FAM78B: variants seen among roughly 807,000 people sequenced by gnomAD.
FAM78B encodes the protein family with sequence similarity 78 member B, also known as protein FAM78B.
In FAM78B, 10 loss-of-function variants were observed where a neutral mutation model predicts 20.0. The observed-to-expected ratio is 0.50, with a 90% CI of 0.31 to 0.85. The LOEUF (loss-of-function observed/expected upper bound fraction) is 0.85, where lower values mean the gene tolerates loss of function less well. Ranked by LOEUF, FAM78B falls within the 40% of genes least tolerant of loss-of-function variation. The pLI, the probability that FAM78B is intolerant of heterozygous loss-of-function variation, is 0.05. For missense variants in FAM78B, 283 were observed against 345.0 expected (o/e 0.82, Z 1.42); for synonymous variants, 135 against 132.8 (o/e 1.02, Z -0.12).
chr1:166,102,050 A>G, intron 1 of FAM78B, among the ~76,000 whole-genome samples: 1 of 152,226 alleles, frequency 6.6e-6, no homozygotes, highest in Non-Finnish European at 1.5e-5. Context: ...GTGGGGGCCA[A>G]TATTCAACAT....
At chr1:166,112,332 T>A (rs4072242) in intron 1 of FAM78B, among the ~76,000 whole-genome samples, 29,688 of 152,136 alleles carry the variant, frequency 0.2, 3,295 homozygotes, top group East Asian at 0.37. Flanking sequence ...AGCCCAGCCG[T>A]TTTCATTTCT....
exon 3 of FAM78B, chr1:166,060,440 A>G (rs1291679422): frequency 6.8e-6 from 3 of 443,736 alleles, no homozygotes; most frequent in East Asian, 1.4e-4. Context: ...AGGCAGCCCA[A>G]TCAGCCCAGG....
chr1:166,075,552 G>A (rs967875030), intron 1 of FAM78B, among the ~76,000 whole-genome samples: 1 of 152,168 alleles, frequency 6.6e-6, no homozygotes, highest in Non-Finnish European at 1.5e-5. Context: ...CTGCATTAGA[G>A]CATGAGGATG....
intron 1 of FAM78B, among the ~76,000 whole-genome samples, chr1:166,132,282 A>G (rs1178235901): frequency 6.7e-6 from 1 of 148,192 alleles, no homozygotes; most frequent in East Asian, 2.3e-4. Context: ...AGTGGTTCCA[A>G]ATCTCCCCTC....
intron 1 of FAM78B, among the ~76,000 whole-genome samples, chr1:166,117,346 C>CT (rs1654298898): frequency 6.6e-6 from 1 of 152,118 alleles, no homozygotes; most frequent in South Asian, 2.1e-4. Flanking sequence ...AAATAGCACA[C>CT]TTTTTCTCTT....
Position 166,166,286 on chromosome 1 carries a change from G to A in FAM78B, c.-38C>T. On this transcript the variant is annotated 5_prime_UTR_variant, in exon 1 of 2. Transcript: ENST00000354422. Reference sequence around the variant, plus strand: ...TGCCGGCACGGCGCGGCGTGGGGCAGCGCGGGGGCCCGCGCGGGCAGCCGG... The same window carrying A: ...TGCCGGCACGGCGCGGCGTGGGGCAACGCGGGGGCCCGCGCGGGCAGCCGG... The A allele has an allele frequency of 8.2e-7, 1 of 1,218,130 alleles. No homozygotes were observed. The highest frequency in any genetic ancestry group is 1.0e-6 in the Non-Finnish European group (1 of 978,018). The allele number at this position is 1,218,130 out of a possible 1,614,324, so 75.5% of individuals were successfully genotyped here. A position where few individuals can be genotyped will look rare whatever the true frequency, so the allele number is the denominator to read the frequency against.
rs1656424805 is a variant in FAM78B at position 166,166,886 on chromosome 1, C to T, written c.-638G>A. The T allele has an allele frequency of 6.6e-6, 1 of 151,928 alleles. No homozygotes were observed. 9.4% of individuals were successfully genotyped at this position (151,928 alleles called of 1,614,324 possible). Reference sequence around the variant, plus strand: ...CCGTAGCCGGACCACACCGACACTCCTCGGCCCGGCTGCCTCGGCCCGGGG... The same window carrying T: ...CCGTAGCCGGACCACACCGACACTCTTCGGCCCGGCTGCCTCGGCCCGGGG... On this transcript the variant is annotated 5_prime_UTR_variant, in exon 1 of 2. Transcript: ENST00000354422.
At chr1:166,091,170 C>T (rs1653053372) in intron 1 of FAM78B, among the ~76,000 whole-genome samples, 2 of 152,070 alleles carry the variant, frequency 1.3e-5, no homozygotes, top group Admixed American at 6.5e-5. Flanking sequence ...TTCTTAAACA[C>T]AATGTTGGGC....
chr1:166,154,638 G>A (rs1308425864), intron 1 of FAM78B: 2 of 481,826 alleles, frequency 4.2e-6, no homozygotes, highest in South Asian at 1.6e-5. Context: ...ACCTGGCTGG[G>A]GGGCAGGGGC....
chr1:166,090,524 G>GTCCT (rs1301758546), intron 1 of FAM78B, among the ~76,000 whole-genome samples: 1 of 152,182 alleles, frequency 6.6e-6, no homozygotes, highest in East Asian at 1.9e-4. Context: ...TATTAACTCG[G>GTCCT]TCCTTTCATG....
intron 1 of FAM78B, among the ~76,000 whole-genome samples, chr1:166,158,095 T>C (rs1464235376): frequency 6.6e-6 from 1 of 152,146 alleles, no homozygotes; most frequent in African/African-American, 2.4e-5. Flanking sequence ...TAAAGCTAGG[T>C]CCATTATCAC....
chr1:166,133,780 C>T (rs1654966548), intron 1 of FAM78B, among the ~76,000 whole-genome samples: 1 of 152,196 alleles, frequency 6.6e-6, no homozygotes, highest in Non-Finnish European at 1.5e-5. Context: ...GCTTCTCCTT[C>T]TCTGATGGCC....
chr1:166,094,033 G>A (rs1012992964), intron 1 of FAM78B, among the ~76,000 whole-genome samples: 1 of 145,646 alleles, frequency 6.9e-6, no homozygotes, highest in East Asian at 2.0e-4. Context: ...GTGTGTGTGT[G>A]TGTGTGTGTG....
In FAM78B at chr1:166,127,181, T is replaced by C. The variant is rs143691291; in HGVS notation, c.263+38805A>G. 3.6e-3 allele frequency among the ~76,000 whole-genome samples: 546 copies of C among 152,348 alleles called. 3 individuals carry two copies. Among genetic ancestry groups the C allele is most frequent in the African/African-American group, 0.012 (518 of 41,578 alleles). On this transcript the variant is annotated intron_variant, in intron 1 of 1. Transcript: ENST00000354422. ...GGTTGTGAAGATTGAAATGTATGCA[T>C]GTCCAAGGGCTTTGAAAAGTGCTTG...
At chr1:166,164,520 A>T (rs893911250) in intron 1 of FAM78B, among the ~76,000 whole-genome samples, 5 of 152,220 alleles carry the variant, frequency 3.3e-5, no homozygotes, top group African/African-American at 4.8e-5. Context: ...CAGTGTGCTG[A>T]GGCATATTGG....
intron 1 of FAM78B, among the ~76,000 whole-genome samples, chr1:166,112,704 T>C (rs146043970): frequency 1.1e-3 from 166 of 152,218 alleles, no homozygotes; most frequent in Non-Finnish European, 2.0e-3. Flanking sequence ...CAATAACAGA[T>C]GGAGATATGG....
At chr1:166,134,905 T>TA (rs1655015100) in intron 1 of FAM78B, among the ~76,000 whole-genome samples, 1 of 152,236 alleles carries the variant, frequency 6.6e-6, no homozygotes, top group African/African-American at 2.4e-5. Flanking sequence ...ACCTACAGCG[T>TA]AAAGTACTGC....
chr1:166,127,611 A>C (rs980385134), intron 1 of FAM78B, among the ~76,000 whole-genome samples: 2 of 152,240 alleles, frequency 1.3e-5, no homozygotes, highest in Non-Finnish European at 2.9e-5. Flanking sequence ...TATTGATAAT[A>C]GTACTAGTAG....
chr1:166,056,724 A>C (rs1651358176), downstream of FAM78B, among the ~76,000 whole-genome samples: 1 of 152,368 alleles, frequency 6.6e-6, no homozygotes, highest in East Asian at 1.9e-4. Flanking sequence ...CCAGGAAGAA[A>C]TGGTAGTACG....
Sources: allele counts gnomAD v4.1 joint callset (sites outside exome capture counted in the v4.1 genomes callset), GRCh38; gene constraint gnomAD v4.1.1; transcripts MANE v1.5; gene names NCBI Gene and HGNC (gene_info 2026-07-23, HGNC 2026-07-21).